Variants in ABCA6 observed in about 807,000 individuals in gnomAD.
ABCA6 encodes the protein ATP-binding cassette sub-family A member 6.
Under a neutral mutation model 191.2 loss-of-function variants are expected in ABCA6, and 164 were observed. The ratio of observed to expected loss-of-function variants is 0.86; its 90% CI spans 0.76 to 0.98. ABCA6 has a LOEUF of 0.98. ABCA6 is among the 50% of genes least tolerant of loss of function. ABCA6 has a pLI of 0.00. For synonymous variants in ABCA6, 636 were observed against 647.7 expected (o/e 0.98, Z 0.27); for missense variants, 1,958 against 1,894.1 (o/e 1.03, Z -0.63).
At position 69,083,350 on chromosome 17, in the gene ABCA6, TTAACAG is replaced by T; in HGVS notation, c.4356-25_4356-20del. Reference sequence around the variant, plus strand: ...TGCCTGCCTGCAGTGAGCAAAAAAATTAACAGTATTTAAAATAACTAAGTGCAGAAG... The same window carrying T: ...TGCCTGCCTGCAGTGAGCAAAAAAATTATTTAAAATAACTAAGTGCAGAAG... On this transcript the variant is annotated intron_variant, in intron 34 of 38. Coordinates refer to ENST00000284425, the MANE Select transcript of ABCA6 (RefSeq NM_080284.3). The T allele has an allele frequency of 6.5e-7, 1 of 1,550,286 alleles. No homozygotes were observed. The highest frequency in any genetic ancestry group is 8.6e-7 in the Non-Finnish European group (1 of 1,157,812).
chr17:69,099,472 C>T (rs1162199541), intron 22 of ABCA6: 1 of 152,012 alleles, frequency 6.6e-6, no homozygotes, highest in African/African-American at 2.4e-5. Context: ...AAGTTAGGAC[C>T]TTTGATGAAC....
In ABCA6 at chr17:69,085,667, A is replaced by C. The variant is rs1354542408; in HGVS notation, c.3987T>G (p.Ser1329=). ...TTGTGATCCCAGATATCATTCTAAT[A>C]GATGAACTTTTTCCAGCACCATTGG... The part of the protein sequence containing the change: ...LGPNGAGKSS[S]IRMISGITKP... The change falls in exon 31 of 39, where the codon TCT becomes TCG. Residue 1329 remains serine, a synonymous_variant. Transcript: ENST00000284425. 1 of 1,612,692 alleles carries C rather than the reference A, an allele frequency of 6.2e-7. No homozygotes were observed.
At chr17:69,133,279 G>A (rs368839425) in intron 6 of ABCA6, among the ~76,000 whole-genome samples, 13 of 152,326 alleles carry the variant, frequency 8.5e-5, no homozygotes, top group South Asian at 2.1e-4. Context: ...AAGACCAGGC[G>A]AGAAAACAAG....
At chr17:69,136,317 T>G (rs1189960337) in intron 3 of ABCA6, 67 bp from the exon 4 acceptor site, 1 of 1,167,790 alleles carries the variant, frequency 8.6e-7, no homozygotes, top group Non-Finnish European at 1.1e-6. Flanking sequence ...TAATGTGATA[T>G]TCAACTGTTT....
At chr17:69,084,989 T>C (rs62082718) in intron 32 of ABCA6, 39 bp downstream of exon 32, 2 of 1,565,084 alleles carry the variant, frequency 1.3e-6, no homozygotes, top group Non-Finnish European at 1.7e-6. Context: ...ACAGTCTCCC[T>C]GCATTCTGAC....
Position 69,102,963 on chromosome 17 carries a change from T to C in ABCA6, c.2746A>G (p.Asn916Asp), listed in dbSNP as rs746115888. 9 of 1,504,460 alleles carry C rather than the reference T, an allele frequency of 6.0e-6. No homozygotes were observed. The highest frequency in any genetic ancestry group is 3.5e-4 in the Middle Eastern group (2 of 5,636). 93.2% of individuals were successfully genotyped at this position (1,504,460 alleles called of 1,614,324 possible). Residue 916 changes from asparagine to aspartate, a missense_variant, in exon 21 of 39, where the codon AAT becomes GAT. Physicochemically the swap from Asn to Asp is conservative, Grantham distance 23. Transcript: ENST00000284425. ...AGTGATTTTATAAAATCTTCAATAT[T>C]TGATTCTAATATGAAGTTAATAAGA... Reference protein sequence around the residue: ...SLLIINNTESNIEDFIKSLKH... With the variant: ...SLLIINNTESDIEDFIKSLKH...
At chr17:69,113,159 T>A in intron 15 of ABCA6, 63 bp downstream of exon 15, 1 of 1,545,290 alleles carries the variant, frequency 6.5e-7, no homozygotes, top group Non-Finnish European at 8.7e-7. Context: ...ACCCTGGGAA[T>A]AGACCTCGCT....
chr17:69,136,525 T>C (rs1413744701), intron 3 of ABCA6, among the ~76,000 whole-genome samples: 4 of 152,174 alleles, frequency 2.6e-5, no homozygotes, highest in Admixed American at 2.0e-4. Flanking sequence ...CCAAATTAAG[T>C]ATGCATAAGA....
At chr17:69,124,848 A>C in intron 9 of ABCA6, 40 bp downstream of exon 9, 3 of 1,231,942 alleles carry the variant, frequency 2.4e-6, no homozygotes, top group Non-Finnish European at 3.3e-6. Context: ...CAATGTAATT[A>C]ATAACTGTAG....
At chr17:69,131,292 C>A (rs1472032028) in intron 6 of ABCA6, among the ~76,000 whole-genome samples, 1 of 152,104 alleles carries the variant, frequency 6.6e-6, no homozygotes, top group Non-Finnish European at 1.5e-5. Flanking sequence ...ATGTTCACAC[C>A]AGATTTACTG....
intron 26 of ABCA6, among the ~76,000 whole-genome samples, chr17:69,090,764 G>A (rs138406089): frequency 0.017 from 2,624 of 152,192 alleles, 32 homozygotes; most frequent in Non-Finnish European, 0.027. Context: ...TATCCTCAGC[G>A]GCTAACAAAT....
At chr17:69,083,146 A>T (rs1274012715) in intron 35 of ABCA6, 66 bp downstream of exon 35, 1 of 1,561,220 alleles carries the variant, frequency 6.4e-7, no homozygotes, top group East Asian at 2.2e-5. Context: ...ACACACAGGG[A>T]TTTTTGCCCT....
rs771791554 is a variant in ABCA6, at chr17:69,084,459, C to A, written c.4233G>T (p.Gln1411His). 21 of 1,614,098 alleles carry A rather than the reference C, an allele frequency of 1.3e-5. No individual in the cohort carries two copies. Among genetic ancestry groups the A allele is most frequent in the Non-Finnish European group, 1.7e-5 (20 of 1,180,042 alleles). The stretch of plus-strand genomic sequence containing the variant: ...TTCTCGTGATTCCTGCTGTTAATTT[C>A]TGCACAGGAACATTCAGCTGCTCAT... ...KLHEQLNVPVQKLTAGITRKL... is the reference protein window; with the variant it reads ...KLHEQLNVPVHKLTAGITRKL... The change falls in exon 33 of 39, where the codon CAG becomes CAT. Residue 1411 changes from glutamine to histidine, a missense_variant. Gln to His is a conservative substitution (Grantham distance 24, BLOSUM62 0). Coordinates refer to ENST00000284425, the MANE Select transcript of ABCA6 (RefSeq NM_080284.3).
chr17:69,120,108 G>A (rs2073613746), intron 10 of ABCA6, among the ~76,000 whole-genome samples: 1 of 151,946 alleles, frequency 6.6e-6, no homozygotes, highest in African/African-American at 2.4e-5. Flanking sequence ...GGCTATAAGT[G>A]TATGGTGCAA....
intron 36 of ABCA6, among the ~76,000 whole-genome samples, chr17:69,081,386 T>C (rs2144602584): frequency 6.6e-6 from 1 of 152,320 alleles, no homozygotes; most frequent in Admixed American, 6.5e-5. Flanking sequence ...ATGCAAAACC[T>C]TTGCGTGTTG....
Position 69,137,420 on chromosome 17 carries a change from C to T in ABCA6, c.177G>A (p.Met59Ile), listed in dbSNP as rs749203360. Residue 59 changes from methionine (M) to isoleucine (I), a missense_variant, in exon 3 of 39, where the codon ATG becomes ATA. Coordinates refer to ENST00000284425, the MANE Select transcript of ABCA6 (RefSeq NM_080284.3). ...SSMRNVQFPG[M>I]APQNLGRVDK... The stretch of plus-strand genomic sequence containing the variant: ...CTACCCTTCCCAGATTCTGAGGAGC[C>T]ATTCCAGGAAACTGGACATTTCTCA... 3 of 1,613,716 alleles carry T rather than the reference C, an allele frequency of 1.9e-6. No homozygotes were observed. Among genetic ancestry groups the T allele is most frequent in the Non-Finnish European group, 2.5e-6 (3 of 1,179,790 alleles).
chr17:69,101,610 A>AAGCAGC (rs895630800), intron 21 of ABCA6, among the ~76,000 whole-genome samples: 29 of 151,796 alleles, frequency 1.9e-4, no homozygotes, highest in African/African-American at 5.8e-4. Context: ...AAAAAAAAAA[A>AAGCAGC]AGCAGCAGCA....
Position 69,085,265 on chromosome 17 carries a change from G to A in ABCA6, c.4030-83C>T, listed in dbSNP as rs140239456. ...ACTCCAGAAACTGACATATATAAGC[G>A]TCTAAATTGTTTAAGCATCAAATAA... On this transcript the variant is annotated intron_variant, in intron 31 of 38. Coordinates refer to ENST00000284425, the MANE Select transcript of ABCA6 (RefSeq NM_080284.3). 3.3e-5 allele frequency: 45 copies of A among 1,348,238 alleles called. No individual in the cohort carries two copies. The African/African-American group carries it at 4.2e-4, about 13-fold the overall frequency. 83.5% of individuals were successfully genotyped at this position (1,348,238 alleles called of 1,614,324 possible).
intron 22 of ABCA6, among the ~76,000 whole-genome samples, chr17:69,099,256 C>T (rs1325971025): frequency 6.6e-6 from 1 of 152,130 alleles, no homozygotes; most frequent in African/African-American, 2.4e-5. Context: ...GAGCCTGTCT[C>T]AAAATAATTC....
Sources: allele counts gnomAD v4.1 joint callset (sites outside exome capture counted in the v4.1 genomes callset), GRCh38; gene constraint gnomAD v4.1.1; transcripts MANE v1.5; gene names NCBI Gene and HGNC (gene_info 2026-07-23, HGNC 2026-07-21).